Variants in PAX6 observed in about 807,000 individuals in gnomAD.
PAX6 encodes paired box 6, also known as paired box protein Pax-6.
PAX6 carries 7 observed loss-of-function variants against 60.7 expected under a neutral mutation model. That is an observed-to-expected ratio of 0.12 (90% confidence interval 0.07 to 0.22). The LOEUF (loss-of-function observed/expected upper bound fraction) is 0.22, where lower values mean the gene tolerates loss of function less well. PAX6 is among the 10% of genes least tolerant of loss of function. PAX6 has a pLI of 1.00. For synonymous variants in PAX6, 208 were observed against 201.2 expected, an observed-to-expected ratio of 1.03 and a Z score of -0.29; for missense variants, 355 against 555.2, an observed-to-expected ratio of 0.64 and a Z score of 3.62.
chr11:31,794,793 A>G lies in PAX6; in HGVS notation c.566-5T>C. The stretch of plus-strand genomic sequence containing the variant: ...CTTCCTGTTGCTGGCAGCCATCTGG[A>G]ACAAAAAGAATAGGATGGTAAGAGA... On this transcript the variant is annotated splice_polypyrimidine_tract_variant and splice_region_variant and intron_variant, in intron 8 of 13. Coordinates refer to ENST00000640368, the MANE Select transcript of PAX6 (RefSeq NM_001368894.2). The G allele has an allele frequency of 4.3e-6, 7 of 1,614,122 alleles. No homozygotes were observed. The highest frequency in any genetic ancestry group is 5.9e-6 in the Non-Finnish European group (7 of 1,179,990).
intron 2 of PAX6, chr11:31,807,960 C>T (rs533215593): frequency 6.6e-6 from 1 of 151,700 alleles, no homozygotes; most frequent in East Asian, 1.9e-4. Context: ...AAAGTAATTT[C>T]TTGTTGTAAA....
intron 2 of PAX6, among the ~76,000 whole-genome samples, 184 bp from the exon 3 acceptor site, chr11:31,807,109 A>G (rs1319068268): frequency 6.6e-6 from 1 of 152,166 alleles, no homozygotes; most frequent in Non-Finnish European, 1.5e-5. Context: ...AGAAGTCTCC[A>G]TCCTTTAAAA....
intron 13 of PAX6, 95 bp from the exon 14 acceptor site, chr11:31,790,114 A>G: frequency 1.3e-6 from 1 of 792,982 alleles, no homozygotes; most frequent in Non-Finnish European, 2.0e-6. Context: ...AAAAAAAAAA[A>G]AAAAAACTAA....
At chr11:31,812,155 C>A (rs1957105658), upstream of PAX6, 1 of 152,466 alleles carries the variant, frequency 6.6e-6, no homozygotes, top group Admixed American at 6.5e-5. Flanking sequence ...TCACCAACTT[C>A]TCCCACGTGC....
At chr11:31,799,854 A>G (rs893059822) in intron 8 of PAX6, among the ~76,000 whole-genome samples, 1 of 151,948 alleles carries the variant, frequency 6.6e-6, no homozygotes, top group Non-Finnish European at 1.5e-5. Flanking sequence ...GACAACAAAT[A>G]CCGATTAATC....
In PAX6 at chr11:31,800,985, G is replaced by A. The variant is rs541644801; in HGVS notation, c.400-129C>T. The A allele has an allele frequency of 1.5e-3, 1,507 of 976,346 alleles. 10 individuals are homozygous for A. The highest frequency in any genetic ancestry group is 7.0e-3 in the South Asian group (518 of 73,762). The allele number at this position is 976,346 out of a possible 1,614,324, so 60.5% of individuals were successfully genotyped here. On this transcript the variant is annotated intron_variant, in intron 7 of 13. Coordinates refer to ENST00000640368, the MANE Select transcript of PAX6 (RefSeq NM_001368894.2). ...AAAAGCTCCCAGCCACCCCGGGACA[G>A]TGGGTGGATTTGCAGATACACCGTG...
rs1330526563 is a variant in PAX6 at position 31,806,055 on chromosome 11, T to C, written c.10+347A>G. 1.4e-4 allele frequency: 50 copies of C among 351,502 alleles called. 1 individual carries two copies. The highest frequency in any genetic ancestry group is 2.2e-4 in the Non-Finnish European group (43 of 198,026). The allele number at this position is 351,502 out of a possible 1,614,324, so 21.8% of individuals were successfully genotyped here. A position where few individuals can be genotyped will look rare whatever the true frequency, so the allele number is the denominator to read the frequency against. ...ACTAGGAGAAGACTTCGCCCCGCCC[T>C]GATCAGCCCAGCCCCTCTCTCCGGG... On this transcript the variant is annotated intron_variant, in intron 4 of 13. Transcript: ENST00000640368.
intron 1 of PAX6, among the ~76,000 whole-genome samples, chr11:31,817,210 C>T (rs547836834): frequency 8.5e-5 from 13 of 152,370 alleles, no homozygotes; most frequent in African/African-American, 3.1e-4. Context: ...AAATCACACG[C>T]TGGGAGCTTT....
intron 8 of PAX6, among the ~76,000 whole-genome samples, chr11:31,796,835 C>G (rs1477673904): frequency 6.6e-6 from 1 of 151,990 alleles, no homozygotes; most frequent in Non-Finnish European, 1.5e-5. Context: ...TAACTGAGCC[C>G]CATCTGGACT....
Position 31,806,299 on chromosome 11 carries a change from G to T in PAX6, c.10+103C>A, listed in dbSNP as rs1454359192. On this transcript the variant is annotated intron_variant, in intron 4 of 13. Transcript: ENST00000640368. The stretch of plus-strand genomic sequence containing the variant: ...GCAGGTCCCCGGGCCTCAGTCGGTC[G>T]GCGGCCGGGCCAGCGCGGGCGTCGC... 2.8e-6 allele frequency: 4 copies of T among 1,405,220 alleles called. No individual in the cohort carries two copies. The African/African-American group carries it at 5.9e-5, about 21-fold the overall frequency. 87.0% of individuals were successfully genotyped at this position (1,405,220 alleles called of 1,614,324 possible). A position where few individuals can be genotyped will look rare whatever the true frequency, so the allele number is the denominator to read the frequency against.
chr11:31,802,335 C>T, intron 5 of PAX6: 1 of 317,070 alleles, frequency 3.2e-6, no homozygotes. Flanking sequence ...TAAGCATGGG[C>T]TGGGGAGAGC....
chr11:31,810,583 G>A (rs1379529831), intron 2 of PAX6: 5 of 315,616 alleles, frequency 1.6e-5, no homozygotes, highest in Non-Finnish European at 2.9e-5. Context: ...CTGGCGCTGG[G>A]GCTGAGCTGG....
chr11:31,816,458 C>G (rs529959718), intron 1 of PAX6: 24 of 681,004 alleles, frequency 3.5e-5, no homozygotes, highest in Admixed American at 1.4e-4. Context: ...CGCGTTTTCT[C>G]GCCGTGACAG....
At chr11:31,790,235 C>T in intron 13 of PAX6, 1 of 527,134 alleles carries the variant, frequency 1.9e-6, no homozygotes, top group Non-Finnish European at 3.2e-6. Context: ...ATCCCAAGTA[C>T]CCCCCACCCC....
At position 31,790,878 on chromosome 11, in the gene PAX6, A is replaced by G. The variant is rs777307117; in HGVS notation, c.1075-18T>C. 5.6e-6 allele frequency: 9 copies of G among 1,613,100 alleles called. No individual in the cohort carries two copies. The highest frequency in any genetic ancestry group is 7.6e-6 in the Non-Finnish European group (9 of 1,179,536). On this transcript the variant is annotated intron_variant, in intron 12 of 13. Coordinates refer to ENST00000640368, the MANE Select transcript of PAX6 (RefSeq NM_001368894.2). ...ACTGGGGGCTGTGAGGAGAGAGGCA[A>G]ACCTGTGGTTACTGAGGAACACATC... is the stretch of plus-strand genomic sequence containing the variant.
In PAX6 at chr11:31,789,577, T is replaced by A. The variant is rs774473337; in HGVS notation, c.*357A>T. 2.1e-3 allele frequency: 1,032 copies of A among 493,766 alleles called. No homozygotes were observed. The highest frequency in any genetic ancestry group is 3.9e-3 in the Admixed American group (107 of 27,548). 30.6% of individuals were successfully genotyped at this position (493,766 alleles called of 1,614,324 possible). A position where few individuals can be genotyped will look rare whatever the true frequency, so the allele number is the denominator to read the frequency against. ...AGCTTGTTGATCATGGTTTTCTTTT[T>A]AAAAAAAAAAAAAACAACTTCATGA... On this transcript the variant is annotated 3_prime_UTR_variant, in exon 14 of 14. Coordinates refer to ENST00000640368, the MANE Select transcript of PAX6 (RefSeq NM_001368894.2).
upstream of PAX6, chr11:31,815,020 C>CTT (rs762698086): frequency 6.6e-6 from 1 of 151,656 alleles, no homozygotes; most frequent in East Asian, 2.0e-4. Context: ...CTCTCTCTCT[C>CTT]TCTCTCTCTT....
At chr11:31,814,179 G>A (rs1957263747), upstream of PAX6, 1 of 152,142 alleles carries the variant, frequency 6.6e-6, no homozygotes, top group African/African-American at 2.4e-5. Flanking sequence ...TCAGGCCGGC[G>A]GGTGCGTTCC....
chr11:31,807,594 T>C (rs1956128714), intron 2 of PAX6: 1 of 152,184 alleles, frequency 6.6e-6, no homozygotes, highest in African/African-American at 2.4e-5. Flanking sequence ...CGTTTAGATC[T>C]TCACCCCTTT....
Sources: gnomAD v4.1 joint callset for allele counts (sites outside exome capture counted in the v4.1 genomes callset) on GRCh38, gnomAD v4.1.1 for gene constraint, MANE v1.5 for transcripts, NCBI Gene and HGNC (gene_info 2026-07-23, HGNC 2026-07-21) for gene names.